The following CECR2 variants were observed in gnomAD, a reference collection of about 807,000 sequenced individuals.
The protein encoded by CECR2 is CECR2 histone acetyl-lysine reader, also known as chromatin remodeling regulator CECR2.
Under a neutral mutation model 154.5 loss-of-function variants are expected in CECR2, and 30 were observed. The ratio of observed to expected loss-of-function variants is 0.19; its 90% confidence interval spans 0.15 to 0.26. CECR2 has a LOEUF of 0.26. CECR2 is among the 10% of genes least tolerant of loss of function. The probability of loss-of-function intolerance (pLI) is 1.00; values close to 1 mark genes in which losing one functional copy is unlikely to be tolerated. For missense variants in CECR2, 1,743 were observed against 1,829.3 expected (o/e 0.95, Z 0.86); for synonymous variants, 725 against 683.7 (o/e 1.06, Z -0.94).
intron 1 of CECR2, among the ~76,000 whole-genome samples, chr22:17,397,657 T>C (rs2053832449): frequency 6.6e-6 from 1 of 151,844 alleles, no homozygotes; most frequent in Non-Finnish European, 1.5e-5. Flanking sequence ...GCCACCACGC[T>C]CGGCTAATTT....
chr22:17,538,827 CG>C (rs2056477289), intron 12 of CECR2, 96 bp downstream of exon 12: 13 of 1,286,118 alleles, frequency 1.0e-5, no homozygotes, highest in Non-Finnish European at 1.4e-5. Flanking sequence ...TATTTTGATA[CG>C]TTTTTCTTTT....
chr22:17,404,644 A>T (rs1022166815), intron 1 of CECR2, among the ~76,000 whole-genome samples: 1 of 130,966 alleles, frequency 7.6e-6, no homozygotes, highest in South Asian at 2.2e-4. Flanking sequence ...AAGTGCTGGG[A>T]TTACAGGCGT....
chr22:17,406,103 C>T (rs115092092), intron 1 of CECR2, among the ~76,000 whole-genome samples: 3,799 of 152,326 alleles, frequency 0.025, 180 homozygotes, highest in African/African-American at 0.086. Context: ...TTAATGATAT[C>T]TAATTTAACC....
In CECR2 at chr22:17,394,656, CAGTTTTGTCA is replaced by C. The variant is rs2053781533; in HGVS notation, c.126+24749_126+24758del. 2.0e-5 allele frequency among the ~76,000 whole-genome samples: 3 copies of C among 152,250 alleles called. No individual in the cohort carries two copies. In the South Asian group the frequency reaches 6.2e-4, roughly 32 times the overall value. On this transcript the variant is annotated intron_variant, in intron 1 of 18. Coordinates refer to ENST00000262608, the MANE Select transcript of CECR2 (RefSeq NM_001290047.2). ...TGGCTGTTTGGGGTCCCTTTGGAAT[CAGTTTTGTCA>C]ATTTCTGCAAAGACATCCACTGGGA... is the stretch of plus-strand genomic sequence containing the variant.
At chr22:17,525,902 C>T (rs2056256855) in intron 9 of CECR2, among the ~76,000 whole-genome samples, 1 of 151,932 alleles carries the variant, frequency 6.6e-6, no homozygotes, top group South Asian at 2.1e-4. Flanking sequence ...GTATTGTAGT[C>T]CCATCTACAG....
In CECR2 at chr22:17,445,086, C is replaced by G. The variant is rs548011396; in HGVS notation, c.127-32502C>G. 2.0e-5 allele frequency among the ~76,000 whole-genome samples: 3 copies of G among 152,246 alleles called. No individual in the cohort carries two copies. In the East Asian group the frequency reaches 5.8e-4, roughly 29 times the overall value. On this transcript the variant is annotated intron_variant, in intron 1 of 18. Transcript: ENST00000262608. ...TTAAATGCTTTTGAATACTATAGTA[C>G]ATATTCACAATTTGGATTTGTTAGA...
chr22:17,552,852 A>G lies in CECR2; in HGVS notation c.*12A>G. On this transcript the variant is annotated 3_prime_UTR_variant, in exon 19 of 19. Coordinates refer to ENST00000262608, the MANE Select transcript of CECR2 (RefSeq NM_001290047.2). ...TCTTTCAGAGCTAGTCCAAGGAGGA[A>G]ATGAGCCCCAAGCAATGGAAAGCTG... 1.9e-6 allele frequency: 3 copies of G among 1,540,512 alleles called. No individual in the cohort carries two copies. The highest frequency in any genetic ancestry group is 2.6e-6 in the Non-Finnish European group (3 of 1,142,124).
chr22:17,422,110 C>T (rs189076403), intron 1 of CECR2, among the ~76,000 whole-genome samples: 2 of 151,712 alleles, frequency 1.3e-5, no homozygotes, highest in Non-Finnish European at 1.5e-5. Context: ...TTTTTCCCCC[C>T]TCTGGCCTCT....
intron 1 of CECR2, among the ~76,000 whole-genome samples, chr22:17,467,244 G>A (rs2055048134): frequency 6.6e-6 from 1 of 152,178 alleles, no homozygotes; most frequent in Non-Finnish European, 1.5e-5. Flanking sequence ...ATAGGAACAA[G>A]TCTGATGTCA....
chr22:17,368,970 G>C (rs548805935), upstream of CECR2, among the ~76,000 whole-genome samples: 1 of 152,122 alleles, frequency 6.6e-6, no homozygotes, highest in Non-Finnish European at 1.5e-5. Flanking sequence ...AAAGCGTTAA[G>C]AAACAGGTGG....
At chr22:17,494,078 A>G (rs576498361) in intron 2 of CECR2, among the ~76,000 whole-genome samples, 37 of 152,198 alleles carry the variant, frequency 2.4e-4, no homozygotes, top group South Asian at 1.2e-3. Context: ...TTTTTAAAAA[A>G]ACACTTTTTC....
chr22:17,405,966 C>G (rs954245109), intron 1 of CECR2, among the ~76,000 whole-genome samples: 3 of 152,144 alleles, frequency 2.0e-5, no homozygotes, highest in Admixed American at 1.3e-4. Flanking sequence ...TTCCCCTTTT[C>G]CCTTTCTATT....
chr22:17,501,568 AG>A (rs1450209441), intron 5 of CECR2, among the ~76,000 whole-genome samples: 1 of 152,148 alleles, frequency 6.6e-6, no homozygotes, highest in African/African-American at 2.4e-5. Flanking sequence ...AAAAAAAAAA[AG>A]AATGTAGATC....
intron 1 of CECR2, among the ~76,000 whole-genome samples, chr22:17,473,211 T>C (rs1308122935): frequency 1.3e-5 from 2 of 152,154 alleles, no homozygotes; most frequent in South Asian, 4.1e-4. Context: ...CTATGCTGAT[T>C]AGCTGCCTTT....
intron 6 of CECR2, among the ~76,000 whole-genome samples, chr22:17,504,541 A>G (rs1458213005): frequency 7.9e-5 from 12 of 151,350 alleles, no homozygotes; most frequent in Non-Finnish European, 1.8e-4. Flanking sequence ...GGTTCACGCC[A>G]TTCTCCTGCC....
chr22:17,394,357 C>G (rs2053776956), intron 1 of CECR2, among the ~76,000 whole-genome samples: 1 of 151,930 alleles, frequency 6.6e-6, no homozygotes, highest in Non-Finnish European at 1.5e-5. Flanking sequence ...TGTGTGCCAC[C>G]ATGCCCAGCT....
At chr22:17,448,794 G>T (rs1317499366) in intron 1 of CECR2, among the ~76,000 whole-genome samples, 3 of 152,054 alleles carry the variant, frequency 2.0e-5, no homozygotes, top group African/African-American at 7.2e-5. Flanking sequence ...CCTCCATCCT[G>T]GATTCCCAGA....
intron 1 of CECR2, among the ~76,000 whole-genome samples, chr22:17,469,474 G>A (rs1007393072): frequency 2.0e-5 from 3 of 152,178 alleles, no homozygotes; most frequent in Admixed American, 6.5e-5. Flanking sequence ...CTTGGCCCGC[G>A]ACAGCGCGTC....
At chr22:17,382,049 T>A (rs8135216) in intron 1 of CECR2, among the ~76,000 whole-genome samples, 30 of 150,778 alleles carry the variant, frequency 2.0e-4, no homozygotes, top group East Asian at 1.9e-4. Context: ...CACCACGCCC[T>A]GCTAATTTTT....
Sources: allele counts gnomAD v4.1 joint callset (sites outside exome capture counted in the v4.1 genomes callset), GRCh38; gene constraint gnomAD v4.1.1; transcripts MANE v1.5; gene names NCBI Gene and HGNC (gene_info 2026-07-23, HGNC 2026-07-21).